The following ABCB5 variants were observed in gnomAD, a reference collection of about 807,000 sequenced individuals.
ABCB5 encodes the protein ATP-binding cassette sub-family B member 5.
ABCB5 carries 155 observed loss-of-function variants against 144.2 expected under a neutral mutation model. The ratio of observed to expected loss-of-function variants is 1.08; its 90% CI spans 0.94 to 1.23. ABCB5 has a LOEUF of 1.23. Among genes scored for constraint, ABCB5 ranks in the 50% most tolerant of loss-of-function variants. The pLI, the probability that ABCB5 is intolerant of heterozygous loss-of-function variation, is 0.00. For missense variants in ABCB5, 1,830 were observed against 1,520.8 expected (o/e 1.20, Z -3.38); for synonymous variants, 610 against 528.6 (o/e 1.15, Z -2.11).
intron 5 of ABCB5, among the ~76,000 whole-genome samples, chr7:20,635,207 A>T (rs1170070012): frequency 6.6e-6 from 1 of 151,922 alleles, no homozygotes; most frequent in East Asian, 1.9e-4. Context: ...AAGGTCAATT[A>T]GTTGTAGGTA....
chr7:20,647,196 T>C, intron 9 of ABCB5: 1 of 801,396 alleles, frequency 1.2e-6, no homozygotes, highest in Non-Finnish European at 1.5e-6. Context: ...CAACTCACCA[T>C]GGGGTTTATA....
chr7:20,645,070 T>C (rs939662405), intron 7 of ABCB5, among the ~76,000 whole-genome samples: 1 of 152,222 alleles, frequency 6.6e-6, no homozygotes, highest in African/African-American at 2.4e-5. Context: ...TCATTGATCA[T>C]GGAGAGGAAG....
intron 20 of ABCB5, among the ~76,000 whole-genome samples, chr7:20,714,533 T>A (rs1481518565): frequency 6.6e-6 from 1 of 152,194 alleles, no homozygotes; most frequent in Non-Finnish European, 1.5e-5. Flanking sequence ...TTATTTTCTG[T>A]TTATTCTTCT....
chr7:20,739,844 C>T (rs1782505821), intron 24 of ABCB5, among the ~76,000 whole-genome samples: 1 of 151,978 alleles, frequency 6.6e-6, no homozygotes, highest in Non-Finnish European at 1.5e-5. Context: ...AATTGATGCA[C>T]ACAAACAAAT....
intron 24 of ABCB5, among the ~76,000 whole-genome samples, chr7:20,741,314 T>C (rs1782554387): frequency 6.6e-6 from 1 of 152,012 alleles, no homozygotes; most frequent in South Asian, 2.1e-4. Flanking sequence ...TGTGAGCTAT[T>C]ATACAAAATA....
intron 23 of ABCB5, among the ~76,000 whole-genome samples, chr7:20,733,488 C>A (rs1326996905): frequency 2.0e-5 from 3 of 151,932 alleles, no homozygotes; most frequent in Non-Finnish European, 2.9e-5. Context: ...AGCATTTTAA[C>A]TATCAGAACA....
rs373919662 is a variant in ABCB5, at chr7:20,699,773, G to A, written c.2155-52G>A. On this transcript the variant is annotated intron_variant, in intron 17 of 27. Coordinates refer to ENST00000404938, the MANE Select transcript of ABCB5 (RefSeq NM_001163941.2). ...ATATACAGAAATTTTCACTTTTTCTGTTTCTTTTATATTTTCCCCCAAACA... is the reference window on the plus strand; with the variant it reads ...ATATACAGAAATTTTCACTTTTTCTATTTCTTTTATATTTTCCCCCAAACA... 286 of 1,255,304 alleles carry A rather than the reference G, an allele frequency of 2.3e-4. 1 individual carries two copies. The African/African-American group carries it at 3.9e-3, about 17-fold the overall frequency. The allele number at this position is 1,255,304 out of a possible 1,614,324, so 77.8% of individuals were successfully genotyped here.
In ABCB5 at chr7:20,745,241, G is replaced by C; in HGVS notation, c.3232G>C (p.Gly1078Arg). 3.7e-6 allele frequency: 6 copies of C among 1,613,904 alleles called. No homozygotes were observed. Among genetic ancestry groups the C allele is most frequent in the Non-Finnish European group, 5.1e-6 (6 of 1,179,874 alleles). Residue 1078 changes from glycine to arginine, a missense_variant, in exon 26 of 28, where the codon GGT (glycine) becomes CGT (arginine). Transcript: ENST00000404938. ...DPVQGQVLFD[G>R]VDAKELNVQW... Reference sequence around the variant, plus strand: ...AATCTGCTTTTGGCAGCTGTTTGATGGTGTGGATGCAAAAGAATTGAATGT... The same window carrying C: ...AATCTGCTTTTGGCAGCTGTTTGATCGTGTGGATGCAAAAGAATTGAATGT...
At chr7:20,754,385 T>C (rs533798706) in intron 27 of ABCB5, among the ~76,000 whole-genome samples, 2 of 152,260 alleles carry the variant, frequency 1.3e-5, no homozygotes, top group African/African-American at 4.8e-5. Context: ...ATATCTGGGC[T>C]GTAATCCTTA....
intron 20 of ABCB5, among the ~76,000 whole-genome samples, chr7:20,717,187 G>T (rs1562576482): frequency 6.7e-6 from 1 of 150,094 alleles, no homozygotes; most frequent in Non-Finnish European, 1.5e-5. Flanking sequence ...ACTTATGGTG[G>T]GGGGTGGGAG....
intron 16 of ABCB5, among the ~76,000 whole-genome samples, chr7:20,697,172 ACAAT>A (rs1361167919): frequency 1.3e-5 from 2 of 152,218 alleles, no homozygotes; most frequent in East Asian, 3.8e-4. Context: ...AATGATGGAT[ACAAT>A]CAAATTATTA....
At chr7:20,711,757 C>T (rs1787044478) in intron 20 of ABCB5, among the ~76,000 whole-genome samples, 1 of 127,254 alleles carries the variant, frequency 7.9e-6, no homozygotes, top group African/African-American at 3.0e-5. Flanking sequence ...CCCAGCCCAG[C>T]CTGCCTGCCT....
At chr7:20,743,348 A>G (rs13231600) in intron 25 of ABCB5, among the ~76,000 whole-genome samples, 131,787 of 152,108 alleles carry the variant, frequency 0.87, 57,231 homozygotes, top group African/African-American at 0.92. Context: ...ACTTTAGAAC[A>G]TGGGTGCTGG....
intron 14 of ABCB5, among the ~76,000 whole-genome samples, chr7:20,668,456 G>A (rs1168372653): frequency 5.3e-4 from 80 of 151,298 alleles, no homozygotes; most frequent in Admixed American, 1.2e-3. Flanking sequence ...CGGCCGCCCC[G>A]TCTGAGAAGC....
intron 5 of ABCB5, among the ~76,000 whole-genome samples, chr7:20,640,573 C>CA (rs1307031803): frequency 8.5e-5 from 13 of 152,072 alleles, no homozygotes; most frequent in Admixed American, 8.5e-4. Context: ...ACAAAAAGCA[C>CA]AAAAATGAGA....
intron 14 of ABCB5, among the ~76,000 whole-genome samples, chr7:20,680,970 TTTTC>T (rs1244502074): frequency 0.024 from 3,170 of 131,006 alleles, 164 homozygotes; most frequent in Non-Finnish European, 0.032. Context: ...CCTCCTTTCT[TTTTC>T]TTTCTTTCTT....
At chr7:20,753,563 A>T in intron 27 of ABCB5, 57 bp downstream of exon 27, 1 of 1,548,386 alleles carries the variant, frequency 6.5e-7, no homozygotes, top group South Asian at 1.2e-5. Context: ...ATCCAATAAC[A>T]TGGAGGAAAC....
intron 14 of ABCB5, chr7:20,659,088 G>A (rs1275711143): frequency 1.2e-6 from 2 of 1,613,920 alleles, no homozygotes; most frequent in East Asian, 2.2e-5. Flanking sequence ...TATTCATTTT[G>A]ACCTAATTTC....
At chr7:20,617,838 A>T (rs916300482) in intron 1 of ABCB5, among the ~76,000 whole-genome samples, 1 of 152,198 alleles carries the variant, frequency 6.6e-6, no homozygotes, top group Non-Finnish European at 1.5e-5. Context: ...GACAAGTTAC[A>T]CCTCAAGTCA....
Sources: gnomAD v4.1 joint callset for allele counts (sites outside exome capture counted in the v4.1 genomes callset) on GRCh38, gnomAD v4.1.1 for gene constraint, MANE v1.5 for transcripts, NCBI Gene and HGNC (gene_info 2026-07-23, HGNC 2026-07-21) for gene names.